The following ACTR6 variants were observed in gnomAD, a reference collection of about 807,000 sequenced individuals.
The protein encoded by ACTR6 is actin-related protein 6.
A neutral mutation model predicts 52.5 loss-of-function variants in ACTR6; 50 were observed. That is an observed-to-expected ratio of 0.95 (90% CI 0.76 to 1.20). ACTR6 has a LOEUF of 1.20. Ranked by LOEUF, ACTR6 falls within the 50% of genes most tolerant of loss-of-function variation. ACTR6 has a pLI of 0.00. For missense variants in ACTR6, 344 were observed against 472.4 expected (o/e 0.73, Z 2.52); for synonymous variants, 135 against 147.2 (o/e 0.92, Z 0.60).
At chr12:100,222,647 T>C (rs572996753) in intron 10 of ACTR6, among the ~76,000 whole-genome samples, 1 of 152,282 alleles carries the variant, frequency 6.6e-6, no homozygotes, top group East Asian at 1.9e-4. Flanking sequence ...GCAATCCTCC[T>C]GCCTGAGCCT....
chr12:100,205,695 A>G lies in ACTR6; in HGVS notation c.206A>G (p.Asp69Gly). Residue 69 changes from aspartate to glycine, a missense_variant, in exon 3 of 11, where the codon GAT becomes GGT. By Grantham distance (94) the Asp-to-Gly change is moderately conservative. Coordinates refer to ENST00000188312, the MANE Select transcript of ACTR6 (RefSeq NM_022496.5). ...TTTTAGGGCTACTTGGTGAATTGGG[A>G]TGTTCAGAGACAAGTTTGGGATTAC... is the stretch of plus-strand genomic sequence containing the variant. The part of the protein sequence containing the change: ...PFQKGYLVNW[D>G]VQRQVWDYLF... 1 of 1,519,044 alleles carries G rather than the reference A, an allele frequency of 6.6e-7. No homozygotes were observed. Among genetic ancestry groups the G allele is most frequent in the South Asian group, 1.4e-5 (1 of 70,032 alleles). 94.1% of individuals were successfully genotyped at this position (1,519,044 alleles called of 1,614,324 possible). A position where few individuals can be genotyped will look rare whatever the true frequency, so the allele number is the denominator to read the frequency against.
chr12:100,204,471 A>G (rs569547453), intron 1 of ACTR6, among the ~76,000 whole-genome samples: 96 of 152,042 alleles, frequency 6.3e-4, no homozygotes, highest in African/African-American at 2.2e-3. Context: ...AGTGATTCTC[A>G]TGCCTCAGCC....
chr12:100,201,285 A>G (rs1207044428), intron 1 of ACTR6, among the ~76,000 whole-genome samples: 2 of 152,230 alleles, frequency 1.3e-5, no homozygotes, highest in African/African-American at 4.8e-5. Context: ...ACAAGATTAT[A>G]GGTTTCATTA....
In ACTR6 at chr12:100,218,420, G is replaced by A; in HGVS notation, c.756G>A (p.Arg252=). The change falls in exon 9 of 11, where the codon AGG becomes AGA. Residue 252 remains arginine (R), a synonymous_variant. Coordinates refer to ENST00000188312, the MANE Select transcript of ACTR6 (RefSeq NM_022496.5). This position sits in a 1 kb window ranked among gnomAD's most constrained non-coding sequence, Gnocchi z 4.2. ...TAATCTTCTTTGTCTTTAAGCCAAG[G>A]GAAGAGATGGTGTTGAGTGGAAAAT... ...STIKKGFCKP[R]EEMVLSGKYK... The A allele has an allele frequency of 1.2e-6, 2 of 1,607,526 alleles. No individual in the cohort carries two copies. The highest frequency in any genetic ancestry group is 1.7e-4 in the Middle Eastern group (1 of 6,016).
At chr12:100,201,455 AAT>A (rs1210095479) in intron 1 of ACTR6, among the ~76,000 whole-genome samples, 12 of 152,356 alleles carry the variant, frequency 7.9e-5, no homozygotes, top group South Asian at 2.1e-4. Context: ...ATAGTCATAA[AAT>A]ATATGTTTGA....
intron 10 of ACTR6, among the ~76,000 whole-genome samples, chr12:100,223,400 T>C (rs1316302637): frequency 6.6e-6 from 1 of 152,148 alleles, no homozygotes; most frequent in South Asian, 2.1e-4. Flanking sequence ...ATGAGAATTA[T>C]TGAGATGACA....
chr12:100,201,092 G>C (rs1272303325), intron 1 of ACTR6, 173 bp downstream of exon 1: 17 of 1,447,638 alleles, frequency 1.2e-5, no homozygotes, highest in Non-Finnish European at 1.5e-5. Flanking sequence ...AATTGAAATT[G>C]ATTTTGGTTT....
intron 1 of ACTR6, among the ~76,000 whole-genome samples, chr12:100,201,634 G>A (rs1592828726): frequency 1.3e-5 from 2 of 152,210 alleles, no homozygotes; most frequent in East Asian, 3.9e-4. Flanking sequence ...AATCTTTCTG[G>A]AAAACGTTTT....
chr12:100,202,415 C>T (rs2096110508), intron 1 of ACTR6, among the ~76,000 whole-genome samples: 1 of 151,838 alleles, frequency 6.6e-6, no homozygotes, highest in African/African-American at 2.4e-5. Context: ...AAAATTATGT[C>T]TTCAAAGAAC....
Position 100,218,366 on chromosome 12 carries a change from T to C in ACTR6, c.751-49T>C. On this transcript the variant is annotated intron_variant, in intron 8 of 10. Transcript: ENST00000188312. This position sits in a 1 kb window ranked among gnomAD's most constrained non-coding sequence, Gnocchi z 4.2. The stretch of plus-strand genomic sequence containing the variant: ...ATTGCATATTACTAATTATTAGTCA[T>C]GTGAGCTAGATAATATAACTTAAAC... 7.2e-7 allele frequency: 1 copy of C among 1,384,458 alleles called. No homozygotes were observed. The allele number at this position is 1,384,458 out of a possible 1,614,324, so 85.8% of individuals were successfully genotyped here.
rs2096116087 is a variant in ACTR6 at position 100,207,748 on chromosome 12, T to C, written c.341T>C (p.Phe114Ser). The C allele has an allele frequency of 1.3e-6, 2 of 1,598,072 alleles. No homozygotes were observed. The highest frequency in any genetic ancestry group is 1.7e-5 in the Admixed American group (1 of 59,430). Residue 114 changes from phenylalanine to serine, a missense_variant, in exon 4 of 11, where the codon TTT becomes TCT. Transcript: ENST00000188312. ...CAAGAATCAATGAATGAAATTCTAT[T>C]TGAAGAATACCAGTTTCAAGCAGTA... ...SIQESMNEIL[F>S]EEYQFQAVLR...
chr12:100,201,292 A>G (rs1483259060), intron 1 of ACTR6, among the ~76,000 whole-genome samples: 1 of 152,220 alleles, frequency 6.6e-6, no homozygotes, highest in Non-Finnish European at 1.5e-5. Flanking sequence ...TATAGGTTTC[A>G]TTAGATTCTC....
chr12:100,220,400 C>G (rs2096127200), intron 10 of ACTR6, among the ~76,000 whole-genome samples: 1 of 152,082 alleles, frequency 6.6e-6, no homozygotes, highest in Non-Finnish European at 1.5e-5. Flanking sequence ...TGATTACTCC[C>G]ATGTAGTAAA....
intron 1 of ACTR6, among the ~76,000 whole-genome samples, chr12:100,202,859 A>AG (rs1414822211): frequency 6.8e-6 from 1 of 146,386 alleles, no homozygotes; most frequent in African/African-American, 2.5e-5. Context: ...CTCGGTCTCA[A>AG]AAAAAAAAAA....
intron 6 of ACTR6, among the ~76,000 whole-genome samples, chr12:100,211,498 C>T (rs1244109337): frequency 4.6e-5 from 7 of 152,264 alleles, no homozygotes; most frequent in South Asian, 2.1e-4. Context: ...GCCTTAAACT[C>T]GTGGGTTTAA....
chr12:100,213,846 G>T (rs758919524), intron 8 of ACTR6, among the ~76,000 whole-genome samples: 1 of 152,144 alleles, frequency 6.6e-6, no homozygotes, highest in Non-Finnish European at 1.5e-5. Context: ...AGCTTGATGA[G>T]GACTGTTGGG....
rs749137821 is a variant in ACTR6 at position 100,200,904 on chromosome 12, G to A, written c.53G>A (p.Ser18Asn). The change falls in exon 1 of 11, where the codon AGC (serine) becomes AAC (asparagine). Residue 18 changes from serine (S) to asparagine (N), a missense_variant. Ser to Asn is a conservative substitution (Grantham distance 46). Transcript: ENST00000188312. The stretch of plus-strand genomic sequence containing the variant: ...GCTTACAACGCCAAAATCGGTTACA[G>A]CCATGAAAATGTGTCGTAAGTACTT... ...NGAYNAKIGYSHENVSVIPNC... is the reference protein window; with the variant it reads ...NGAYNAKIGYNHENVSVIPNC... 9 of 1,614,028 alleles carry A rather than the reference G, an allele frequency of 5.6e-6. No individual in the cohort carries two copies. The African/African-American group carries it at 1.2e-4, about 22-fold the overall frequency.
In ACTR6 at chr12:100,223,660, G is replaced by A. The variant is rs1329024388; in HGVS notation, c.1062-126G>A. ...ACAATTTTCTGTTGGGTTGGGTAGAGCTTGCCACATTTTAATGGCAAAAAA... is the reference window on the plus strand; with the variant it reads ...ACAATTTTCTGTTGGGTTGGGTAGAACTTGCCACATTTTAATGGCAAAAAA... On this transcript the variant is annotated intron_variant, in intron 10 of 10. Coordinates refer to ENST00000188312, the MANE Select transcript of ACTR6 (RefSeq NM_022496.5). The A allele has an allele frequency of 2.5e-5, 29 of 1,178,268 alleles. 1 individual carries two copies. The South Asian group carries it at 3.0e-4, about 12-fold the overall frequency. 73.0% of individuals were successfully genotyped at this position (1,178,268 alleles called of 1,614,324 possible).
At chr12:100,221,179 T>A (rs2096128013) in intron 10 of ACTR6, among the ~76,000 whole-genome samples, 1 of 152,192 alleles carries the variant, frequency 6.6e-6, no homozygotes, top group Non-Finnish European at 1.5e-5. Flanking sequence ...CCAGTTTTCT[T>A]ACCTTGAGTG....
Sources: allele counts gnomAD v4.1 joint callset (sites outside exome capture counted in the v4.1 genomes callset), GRCh38; gene constraint gnomAD v4.1.1; non-coding constraint Gnocchi (gnomAD v3.1); transcripts MANE v1.5; gene names NCBI Gene and HGNC (gene_info 2026-07-23, HGNC 2026-07-21).